ERO1B: variants seen among roughly 807,000 people sequenced by gnomAD.
The protein encoded by ERO1B is ERO1-like protein beta.
Under a neutral mutation model 75.3 loss-of-function variants are expected in ERO1B, and 49 were observed. That is an observed-to-expected ratio of 0.65 (90% confidence interval 0.52 to 0.83). The LOEUF is 0.83. Among genes scored for constraint, ERO1B ranks in the 40% least tolerant of loss-of-function variants. The pLI, the probability that ERO1B is intolerant of heterozygous loss-of-function variation, is 0.00. For missense variants in ERO1B, 512 were observed against 560.1 expected (o/e 0.91, Z 0.87); for synonymous variants, 191 against 192.9 (o/e 0.99, Z 0.08).
chr1:236,245,329 C>T lies in ERO1B; in HGVS notation c.432-1834G>A, dbSNP rs1459483156. Among the ~76,000 whole-genome samples the T allele has an allele frequency of 3.4e-4, 6 of 17,472 alleles. 1 individual carries two copies. The highest frequency in any genetic ancestry group is 0.023 in the East Asian group (2 of 86). 11.5% of individuals were successfully genotyped at this position (17,472 alleles called of 152,430 possible). A position where few individuals can be genotyped will look rare whatever the true frequency, so the allele number is the denominator to read the frequency against. On this transcript the variant is annotated intron_variant, in intron 5 of 15. Transcript: ENST00000354619. The stretch of plus-strand genomic sequence containing the variant: ...ATATATATATATATATATACACACA[C>T]GTATATATATACGTATATATATACA...
chr1:236,245,294 CAAAA>C (rs1426457881), intron 5 of ERO1B, among the ~76,000 whole-genome samples: 16 of 49,350 alleles, frequency 3.2e-4, no homozygotes, highest in Non-Finnish European at 4.7e-4. Context: ...CATGCCCAGT[CAAAA>C]TATATATATA....
intron 2 of ERO1B, among the ~76,000 whole-genome samples, chr1:236,256,732 G>A (rs1558517899): frequency 6.6e-6 from 1 of 152,020 alleles, no homozygotes; most frequent in South Asian, 2.1e-4. Flanking sequence ...AACTCTCCAT[G>A]AAAATAATTT....
intron 2 of ERO1B, among the ~76,000 whole-genome samples, chr1:236,256,381 G>A (rs1665161149): frequency 6.6e-6 from 1 of 152,044 alleles, no homozygotes; most frequent in Non-Finnish European, 1.5e-5. Flanking sequence ...GGGAGAGTAA[G>A]CACACTCTGC....
In ERO1B at chr1:236,216,938, T is replaced by C. The variant is rs2102934724; in HGVS notation, c.*1578A>G. 1 of 151,544 alleles carries C rather than the reference T, an allele frequency of 6.6e-6. No individual in the cohort carries two copies. The highest frequency in any genetic ancestry group is 2.1e-4 in the South Asian group (1 of 4,780). The allele number at this position is 151,544 out of a possible 1,614,324, so 9.4% of individuals were successfully genotyped here. A position where few individuals can be genotyped will look rare whatever the true frequency, so the allele number is the denominator to read the frequency against. Reference sequence around the variant, plus strand: ...AATCAAGTCAGCCTTTTAAACAACTTAACAAAAAATACTACCACCATCAAC... The same window carrying C: ...AATCAAGTCAGCCTTTTAAACAACTCAACAAAAAATACTACCACCATCAAC... On this transcript the variant is annotated 3_prime_UTR_variant, in exon 16 of 16. Coordinates refer to ENST00000354619, the MANE Select transcript of ERO1B (RefSeq NM_019891.4).
chr1:236,275,287 T>C (rs548851547), intron 1 of ERO1B, among the ~76,000 whole-genome samples: 1 of 152,346 alleles, frequency 6.6e-6, no homozygotes, highest in East Asian at 1.9e-4. Context: ...CCTGAGCCAC[T>C]TGTTCTTCTG....
chr1:236,240,400 T>C (rs759733889), intron 6 of ERO1B, among the ~76,000 whole-genome samples: 1 of 152,082 alleles, frequency 6.6e-6, no homozygotes, highest in East Asian at 1.9e-4. Context: ...GATAAAAAAA[T>C]ACTGTATTAT....
intron 5 of ERO1B, among the ~76,000 whole-genome samples, chr1:236,244,841 T>G (rs1465445683): frequency 6.6e-6 from 1 of 152,074 alleles, no homozygotes; most frequent in African/African-American, 2.4e-5. Context: ...AGTTTGAAGA[T>G]GGATGCAACA....
intron 2 of ERO1B, among the ~76,000 whole-genome samples, chr1:236,268,340 T>G (rs774473931): frequency 2.6e-4 from 40 of 151,972 alleles, no homozygotes; most frequent in Admixed American, 5.9e-4. Flanking sequence ...CTCGGGAGGC[T>G]GAGGCAGAAG....
At position 236,225,252 on chromosome 1, in the gene ERO1B, C is replaced by A. The variant is rs1308227843; in HGVS notation, c.1053-113G>T. 3.0e-6 allele frequency: 3 copies of A among 986,764 alleles called. No homozygotes were observed. The Admixed American group carries it at 6.5e-5, about 21-fold the overall frequency. The allele number at this position is 986,764 out of a possible 1,614,324, so 61.1% of individuals were successfully genotyped here. ...GAATATTTAAAATTCATTATTTACTCCGATGTAAGTTTTGGTAATGTAGAA... is the reference window on the plus strand; with the variant it reads ...GAATATTTAAAATTCATTATTTACTACGATGTAAGTTTTGGTAATGTAGAA... On this transcript the variant is annotated intron_variant, in intron 12 of 15. Coordinates refer to ENST00000354619, the MANE Select transcript of ERO1B (RefSeq NM_019891.4).
intron 12 of ERO1B, 28 bp from the exon 13 acceptor site, chr1:236,225,167 T>C: frequency 1.2e-6 from 2 of 1,607,590 alleles, no homozygotes; most frequent in Non-Finnish European, 1.7e-6. Context: ...TTGGATTAAG[T>C]TACACATGAA....
At chr1:236,259,346 A>T (rs1034786113) in intron 2 of ERO1B, among the ~76,000 whole-genome samples, 3 of 152,226 alleles carry the variant, frequency 2.0e-5, no homozygotes, top group African/African-American at 4.8e-5. Context: ...CAGATTAACA[A>T]AAAAAGCAAT....
chr1:236,255,934 A>G (rs1308156093), intron 2 of ERO1B, among the ~76,000 whole-genome samples: 1 of 152,224 alleles, frequency 6.6e-6, no homozygotes. Flanking sequence ...CCATTATTCT[A>G]GTTCCTCAAG....
chr1:236,239,767 A>C (rs1474782267), intron 6 of ERO1B, among the ~76,000 whole-genome samples: 1 of 145,120 alleles, frequency 6.9e-6, no homozygotes, highest in African/African-American at 2.5e-5. Flanking sequence ...AAGTTGAACT[A>C]GTGTTATTTC....
rs1451172649 is a variant in ERO1B at position 236,242,585 on chromosome 1, A to G, written c.505+837T>C. 2.0e-5 allele frequency among the ~76,000 whole-genome samples: 3 copies of G among 152,112 alleles called. No individual in the cohort carries two copies. The East Asian group carries it at 5.8e-4, about 29-fold the overall frequency. On this transcript the variant is annotated intron_variant, in intron 6 of 15. Coordinates refer to ENST00000354619, the MANE Select transcript of ERO1B (RefSeq NM_019891.4). ...CCACTATGGGCTGGATTTATAGCAC[A>G]ATTCTACCCGTGAATCTTTTTTAAA...
At chr1:236,262,405 TTTTG>T (rs1323802039) in intron 2 of ERO1B, among the ~76,000 whole-genome samples, 1 of 152,160 alleles carries the variant, frequency 6.6e-6, no homozygotes, top group East Asian at 1.9e-4. Context: ...TTCAGTCTTT[TTTTG>T]TTTGTTTTTT....
At chr1:236,276,718 ACT>A (rs1248469932) in intron 1 of ERO1B, among the ~76,000 whole-genome samples, 4 of 152,172 alleles carry the variant, frequency 2.6e-5, no homozygotes, top group Non-Finnish European at 5.9e-5. Context: ...ATTAAATCTA[ACT>A]CTTGAATTTT....
At chr1:236,248,718 T>C (rs1157637173) in intron 5 of ERO1B, among the ~76,000 whole-genome samples, 4 of 152,126 alleles carry the variant, frequency 2.6e-5, no homozygotes, top group Non-Finnish European at 5.9e-5. Flanking sequence ...TTTATACATA[T>C]AAATATATAA....
chr1:236,266,342 G>T (rs61833557), intron 2 of ERO1B, among the ~76,000 whole-genome samples: 1 of 152,116 alleles, frequency 6.6e-6, no homozygotes, highest in Non-Finnish European at 1.5e-5. Context: ...GGTGGCTCAC[G>T]CCTGTAATCC....
intron 13 of ERO1B, among the ~76,000 whole-genome samples, chr1:236,222,388 C>T (rs1239322382): frequency 2.6e-5 from 4 of 152,168 alleles, no homozygotes; most frequent in Admixed American, 6.5e-5. Flanking sequence ...GCTGGGATTA[C>T]GGTGTAAGCC....
Sources: gnomAD v4.1 joint callset for allele counts (sites outside exome capture counted in the v4.1 genomes callset) on GRCh38, gnomAD v4.1.1 for gene constraint, MANE v1.5 for transcripts, NCBI Gene and HGNC (gene_info 2026-07-23, HGNC 2026-07-21) for gene names.